UNC13B: variants seen among roughly 807,000 people sequenced by gnomAD.
UNC13B encodes the protein unc-13 homolog B.
A neutral mutation model predicts 211.0 loss-of-function variants in UNC13B; 144 were observed. The observed-to-expected ratio is 0.68, with a 90% confidence interval of 0.60 to 0.78. UNC13B has a LOEUF of 0.78. UNC13B is among the 30% of genes least tolerant of loss of function. The pLI is 0.00. For missense variants in UNC13B, 1,777 were observed against 2,002.0 expected, an observed-to-expected ratio of 0.89 and a Z score of 2.14; for synonymous variants, 709 against 725.8, an observed-to-expected ratio of 0.98 and a Z score of 0.37.
At chr9:35,246,118 T>C (rs1445897188) in intron 6 of UNC13B, among the ~76,000 whole-genome samples, 1 of 152,238 alleles carries the variant, frequency 6.6e-6, no homozygotes, top group African/African-American at 2.4e-5. Context: ...TGAGCATTTT[T>C]TCATGTGTCT....
intron 3 of UNC13B, among the ~76,000 whole-genome samples, chr9:35,235,373 C>T (rs557987018): frequency 6.6e-6 from 1 of 152,284 alleles, no homozygotes; most frequent in East Asian, 1.9e-4. Flanking sequence ...CCTGTGACCA[C>T]ATGTTCCTAT....
At chr9:35,211,463 T>C (rs1823960966) in intron 1 of UNC13B, among the ~76,000 whole-genome samples, 1 of 152,210 alleles carries the variant, frequency 6.6e-6, no homozygotes, top group African/African-American at 2.4e-5. Context: ...TTGCATAGTA[T>C]TTCATTATAT....
Position 35,399,406 on chromosome 9 carries a change from C to G in UNC13B, c.12213C>G (p.Ile4071Met). ...PLTDQTGTQL[I>M]FTAAKELSHL... is the part of the protein sequence containing the mutation. ...TCTCTGCCCAGGGCACCCAGCTGAT[C>G]TTCACTGCTGCCAAGGAGCTGAGCC... The change falls in exon 35 of 40, where the codon ATC becomes ATG. Residue 4071 changes from isoleucine (I) to methionine (M), a missense_variant. Ile to Met is a conservative substitution (Grantham distance 10). Coordinates refer to ENST00000635942, the MANE Select transcript of UNC13B (RefSeq NM_001371189.2). The G allele has an allele frequency of 6.2e-7, 1 of 1,614,032 alleles. No individual in the cohort carries two copies. Among genetic ancestry groups the G allele is most frequent in the East Asian group, 2.2e-5 (1 of 44,896 alleles).
At chr9:35,393,254 C>T (rs777690354) in intron 26 of UNC13B, among the ~76,000 whole-genome samples, 4 of 152,144 alleles carry the variant, frequency 2.6e-5, no homozygotes, top group Non-Finnish European at 5.9e-5. Context: ...AACCATGTAA[C>T]CCAGATTCTG....
At chr9:35,393,574 C>CTTTT (rs749007486) in intron 26 of UNC13B, among the ~76,000 whole-genome samples, 33 of 118,854 alleles carry the variant, frequency 2.8e-4, no homozygotes, top group Non-Finnish European at 3.1e-4. Context: ...GACTCTCTCT[C>CTTTT]TTTTTTTTTT....
Position 35,162,272 on chromosome 9 carries a change from C to G in UNC13B, c.-12C>G, listed in dbSNP as rs756122813. 62 of 1,540,756 alleles carry G rather than the reference C, an allele frequency of 4.0e-5. No individual in the cohort carries two copies. Among genetic ancestry groups the G allele is most frequent in the Admixed American group, 3.9e-4 (20 of 50,978 alleles). On this transcript the variant is annotated 5_prime_UTR_variant, in exon 1 of 40. Transcript: ENST00000635942. ...GGCTGGGGCGCGGCAGAGGCTTGCC[C>G]GATCCTCGGCCATGTCACTGCTCTG...
intron 11 of UNC13B, chr9:35,351,890 C>T (rs1464326706): frequency 8.1e-7 from 1 of 1,232,258 alleles, no homozygotes; most frequent in Non-Finnish European, 1.0e-6. Flanking sequence ...AACCAAGACC[C>T]TTTTGTCCAG....
intron 36 of UNC13B, among the ~76,000 whole-genome samples, chr9:35,400,026 C>T (rs1836186019): frequency 6.6e-6 from 1 of 152,206 alleles, no homozygotes; most frequent in African/African-American, 2.4e-5. Flanking sequence ...TTTGGTTCTT[C>T]TCCGTGCCTG....
Position 35,303,725 on chromosome 9 carries a change from T to C in UNC13B, c.4321T>C (p.Leu1441=). 1 of 398,658 alleles carries C rather than the reference T, an allele frequency of 2.5e-6. No homozygotes were observed. Among genetic ancestry groups the C allele is most frequent in the Non-Finnish European group, 4.4e-6 (1 of 225,812 alleles). 24.7% of individuals were successfully genotyped at this position (398,658 alleles called of 1,614,324 possible). A position where few individuals can be genotyped will look rare whatever the true frequency, so the allele number is the denominator to read the frequency against. ...TCAGTTAGCATTTAATGAAGATTAC[T>C]TATTAAGAGGTGATGTGTGGGCAGC... The part of the protein sequence containing the change: ...FNQLAFNEDY[L]LRGDVWAANS... Residue 1441 remains leucine, a synonymous_variant, in exon 9 of 40, where the codon TTA becomes CTA. Coordinates refer to ENST00000635942, the MANE Select transcript of UNC13B (RefSeq NM_001371189.2).
intron 1 of UNC13B, among the ~76,000 whole-genome samples, chr9:35,175,895 G>T (rs1821603130): frequency 6.6e-6 from 1 of 151,446 alleles, no homozygotes; most frequent in South Asian, 2.1e-4. Flanking sequence ...ACATTGTGCT[G>T]CATGCCTATA....
intron 11 of UNC13B, among the ~76,000 whole-genome samples, chr9:35,344,000 G>A (rs1387357567): frequency 3.3e-5 from 5 of 152,024 alleles, no homozygotes; most frequent in African/African-American, 9.7e-5. Context: ...TTTATGTGGC[G>A]ATTAGAAATT....
chr9:35,364,398 C>G (rs1833635633), intron 11 of UNC13B: 1 of 734,640 alleles, frequency 1.4e-6, no homozygotes, highest in Non-Finnish European at 2.1e-6. Context: ...GTCAGCTGGG[C>G]TCTATGAACT....
chr9:35,222,110 T>C (rs553802670), intron 1 of UNC13B, among the ~76,000 whole-genome samples: 6 of 152,134 alleles, frequency 3.9e-5, no homozygotes, highest in African/African-American at 1.4e-4. Context: ...ACACCCTTTT[T>C]CCCCCAAAAT....
intron 1 of UNC13B, among the ~76,000 whole-genome samples, chr9:35,197,260 G>A (rs1417289455): frequency 6.6e-6 from 1 of 150,886 alleles, no homozygotes; most frequent in East Asian, 2.0e-4. Flanking sequence ...GAGGCTGGGG[G>A]GCAGTGGTGT....
rs1484212190 is a variant in UNC13B, at chr9:35,400,664, T to G, written c.12484+221T>G. Among the ~76,000 whole-genome samples, 3 of 152,194 alleles carry G rather than the reference T, an allele frequency of 2.0e-5. No individual in the cohort carries two copies. The East Asian group carries it at 5.8e-4, about 29-fold the overall frequency. On this transcript the variant is annotated intron_variant, in intron 37 of 39. Coordinates refer to ENST00000635942, the MANE Select transcript of UNC13B (RefSeq NM_001371189.2). ...AGAGGCCTGGGAAATATGTCTAAGA[T>G]TTCTTTTCCCAGACATTGCCTGGCC...
Position 35,376,267 on chromosome 9 carries a change from A to T in UNC13B, c.9835+20A>T. ...TGCAGCGTGAGTGCCCTGCGGGATG[A>T]GGGGCGGGGAGTGGGGCAGCAGGGG... On this transcript the variant is annotated intron_variant, in intron 15 of 39. Coordinates refer to ENST00000635942, the MANE Select transcript of UNC13B (RefSeq NM_001371189.2). The T allele has an allele frequency of 6.2e-7, 1 of 1,609,016 alleles. No individual in the cohort carries two copies. The highest frequency in any genetic ancestry group is 8.5e-7 in the Non-Finnish European group (1 of 1,177,710).
intron 12 of UNC13B, among the ~76,000 whole-genome samples, chr9:35,368,164 C>G (rs1043376781): frequency 2.0e-5 from 3 of 152,048 alleles, no homozygotes; most frequent in African/African-American, 7.2e-5. Context: ...ATTTCATCAC[C>G]CAAGTACTAT....
intron 6 of UNC13B, among the ~76,000 whole-genome samples, chr9:35,252,151 A>G (rs1444339046): frequency 6.6e-6 from 1 of 152,108 alleles, no homozygotes; most frequent in Non-Finnish European, 1.5e-5. Context: ...ATTAGTTTGA[A>G]GATTAGGTTA....
At chr9:35,167,857 C>T (rs908822461) in intron 1 of UNC13B, among the ~76,000 whole-genome samples, 2 of 151,096 alleles carry the variant, frequency 1.3e-5, no homozygotes, top group African/African-American at 2.4e-5. Flanking sequence ...CCCTCCTCGG[C>T]CCCCCAGAGT....
Sources: gnomAD v4.1 joint callset for allele counts (sites outside exome capture counted in the v4.1 genomes callset) on GRCh38, gnomAD v4.1.1 for gene constraint, MANE v1.5 for transcripts, NCBI Gene and HGNC (gene_info 2026-07-23, HGNC 2026-07-21) for gene names.